Variants in ATP9B observed in about 807,000 individuals in gnomAD.
ATP9B encodes ATPase phospholipid transporting 9B.
ATP9B carries 110 observed loss-of-function variants against 146.1 expected under a neutral mutation model. The ratio of observed to expected loss-of-function variants is 0.75; its 90% CI spans 0.65 to 0.88. The LOEUF (loss-of-function observed/expected upper bound fraction) is 0.88. Among genes scored for constraint, ATP9B ranks in the 40% least tolerant of loss-of-function variants. ATP9B has a pLI of 0.00. For missense variants in ATP9B, 1,499 were observed against 1,496.4 expected, an observed-to-expected ratio of 1.00 and a Z score of -0.03; for synonymous variants, 604 against 569.7, an observed-to-expected ratio of 1.06 and a Z score of -0.86.
At chr18:79,340,301 G>A (rs1414504752) in intron 19 of ATP9B, 2 of 152,020 alleles carry the variant, frequency 1.3e-5, no homozygotes, top group African/African-American at 4.8e-5. Flanking sequence ...TTTACATTAT[G>A]TAAAGTCTGA....
At chr18:79,121,598 C>T (rs1282998758) in intron 4 of ATP9B, among the ~76,000 whole-genome samples, 1 of 152,226 alleles carries the variant, frequency 6.6e-6, no homozygotes, top group Non-Finnish European at 1.5e-5. Context: ...GTGGCCTCAA[C>T]TTCCCTTTCC....
intron 13 of ATP9B, among the ~76,000 whole-genome samples, chr18:79,290,116 G>A (rs906020393): frequency 5.3e-5 from 8 of 152,088 alleles, no homozygotes; most frequent in African/African-American, 9.7e-5. Flanking sequence ...CTCCAGCTGC[G>A]TGCTGGGAGA....
chr18:79,223,344 T>C (rs1051126126), intron 11 of ATP9B, among the ~76,000 whole-genome samples: 16 of 152,250 alleles, frequency 1.1e-4, no homozygotes, highest in East Asian at 1.9e-4. Flanking sequence ...CTTATTTTTA[T>C]CTTTTCTTGT....
intron 11 of ATP9B, among the ~76,000 whole-genome samples, chr18:79,228,887 G>A (rs1007225345): frequency 6.6e-6 from 1 of 152,104 alleles, no homozygotes; most frequent in Admixed American, 6.6e-5. Context: ...TTAGGTGGGT[G>A]TGGTAGGGCA....
intron 11 of ATP9B, among the ~76,000 whole-genome samples, chr18:79,236,850 G>A: frequency 8.1e-6 from 1 of 123,740 alleles, no homozygotes; most frequent in South Asian, 3.1e-4. Context: ...CTTCCCCACT[G>A]TGTACACGGT....
At chr18:79,277,316 A>C in intron 13 of ATP9B, 120 bp downstream of exon 13, 2 of 1,266,658 alleles carry the variant, frequency 1.6e-6, no homozygotes, top group Non-Finnish European at 2.1e-6. Flanking sequence ...GGAACAGATC[A>C]TTGAATCCAT....
intron 1 of ATP9B, chr18:79,086,376 C>T (rs561275839): frequency 2.4e-5 from 3 of 123,294 alleles, no homozygotes; most frequent in African/African-American, 6.3e-5. Context: ...GCAGAGGTTG[C>T]AGTGAGCTGA....
intron 10 of ATP9B, among the ~76,000 whole-genome samples, chr18:79,210,990 G>T (rs2095579275): frequency 6.6e-6 from 1 of 152,140 alleles, no homozygotes; most frequent in African/African-American, 2.4e-5. Flanking sequence ...TTTATATTTT[G>T]TGTTTTTAAA....
chr18:79,217,563 A>T (rs1469232557), intron 11 of ATP9B, among the ~76,000 whole-genome samples: 1 of 152,258 alleles, frequency 6.6e-6, no homozygotes, highest in South Asian at 2.1e-4. Flanking sequence ...CTGAGTGTTA[A>T]ATGCTAGTTT....
intron 2 of ATP9B, among the ~76,000 whole-genome samples, chr18:79,109,517 T>G (rs1452864856): frequency 6.6e-6 from 1 of 151,686 alleles, no homozygotes; most frequent in African/African-American, 2.4e-5. Context: ...ATCATTAGAA[T>G]ATCACAGGAA....
At chr18:79,205,571 C>T (rs748342835) in intron 9 of ATP9B, among the ~76,000 whole-genome samples, 31 of 151,758 alleles carry the variant, frequency 2.0e-4, no homozygotes, top group Middle Eastern at 6.8e-3. Flanking sequence ...TTACGGGAGA[C>T]GCCCAACAGT....
rs555278923 is a variant in ATP9B, at chr18:79,373,818, C to T, written c.3071-80C>T. Reference sequence around the variant, plus strand: ...CCCTATTTTTAAGGGTCTTGAGTGACGTTGCTGGTTCAAGGCTGTTTCCTC... The same window carrying T: ...CCCTATTTTTAAGGGTCTTGAGTGATGTTGCTGGTTCAAGGCTGTTTCCTC... On this transcript the variant is annotated intron_variant, in intron 27 of 29. Coordinates refer to ENST00000426216, the MANE Select transcript of ATP9B (RefSeq NM_198531.5). The T allele has an allele frequency of 3.1e-5, 45 of 1,442,674 alleles. No individual in the cohort carries two copies. In the East Asian group the frequency reaches 3.9e-4, roughly 12 times the overall value. 89.4% of individuals were successfully genotyped at this position (1,442,674 alleles called of 1,614,324 possible). A position where few individuals can be genotyped will look rare whatever the true frequency, so the allele number is the denominator to read the frequency against.
chr18:79,327,613 GCCC>G (rs2096759999), intron 15 of ATP9B, among the ~76,000 whole-genome samples: 1 of 142,584 alleles, frequency 7.0e-6, no homozygotes, highest in African/African-American at 2.7e-5. Context: ...TGGTTAGCGT[GCCC>G]TCCCTGGTTA....
intron 1 of ATP9B, among the ~76,000 whole-genome samples, chr18:79,084,794 A>C (rs2146568818): frequency 6.6e-6 from 1 of 152,288 alleles, no homozygotes; most frequent in South Asian, 2.1e-4. Flanking sequence ...AAGTGGAATT[A>C]TTTTTATTTC....
intron 16 of ATP9B, among the ~76,000 whole-genome samples, chr18:79,329,708 C>G (rs2096780003): frequency 6.6e-6 from 1 of 152,146 alleles, no homozygotes; most frequent in Non-Finnish European, 1.5e-5. Context: ...GTTGACTAAA[C>G]AATGAAGCAT....
intron 1 of ATP9B, among the ~76,000 whole-genome samples, chr18:79,081,642 G>T (rs75860502): frequency 0.031 from 4,543 of 148,350 alleles, 207 homozygotes; most frequent in African/African-American, 0.1. Context: ...CCTTTTCTTC[G>T]AAGGGTTTTT....
At chr18:79,234,132 G>A (rs947406194) in intron 11 of ATP9B, among the ~76,000 whole-genome samples, 4 of 152,174 alleles carry the variant, frequency 2.6e-5, no homozygotes, top group Non-Finnish European at 5.9e-5. Flanking sequence ...CAGGGTTACA[G>A]GAAGAGTGGG....
intron 11 of ATP9B, among the ~76,000 whole-genome samples, chr18:79,243,270 A>G (rs1250973660): frequency 6.6e-6 from 1 of 152,238 alleles, no homozygotes; most frequent in African/African-American, 2.4e-5. Flanking sequence ...TCAGCATTTT[A>G]TATATCCTCA....
At chr18:79,251,417 T>C (rs975558343) in intron 11 of ATP9B, among the ~76,000 whole-genome samples, 1 of 152,272 alleles carries the variant, frequency 6.6e-6, no homozygotes, top group African/African-American at 2.4e-5. Context: ...AAACTTACTA[T>C]TTTATGATTC....
Sources: gnomAD v4.1 joint callset for allele counts (sites outside exome capture counted in the v4.1 genomes callset) on GRCh38, gnomAD v4.1.1 for gene constraint, MANE v1.5 for transcripts, NCBI Gene and HGNC (gene_info 2026-07-23, HGNC 2026-07-21) for gene names.